The following BCAS3 variants were observed in gnomAD, a reference collection of about 807,000 sequenced individuals.
BCAS3 encodes the protein BCAS4/BCAS3 fusion.
In BCAS3, 53 loss-of-function variants were observed where a neutral mutation model predicts 116.1. That is an observed-to-expected ratio of 0.46 (90% CI 0.37 to 0.57). The LOEUF (loss-of-function observed/expected upper bound fraction) is 0.57. Among genes scored for constraint, BCAS3 ranks in the 20% least tolerant of loss-of-function variants. The probability of loss-of-function intolerance (pLI) is 0.00; values close to 1 mark genes in which losing one functional copy is unlikely to be tolerated. For missense variants in BCAS3, 917 were observed against 1,165.4 expected, an observed-to-expected ratio of 0.79 and a Z score of 3.10; for synonymous variants, 391 against 408.2, an observed-to-expected ratio of 0.96 and a Z score of 0.51.
At chr17:60,777,240 T>G (rs967904595) in intron 6 of BCAS3, among the ~76,000 whole-genome samples, 3 of 152,242 alleles carry the variant, frequency 2.0e-5, no homozygotes, top group East Asian at 3.9e-4. Flanking sequence ...TCTACTACTA[T>G]ACTTAAAAAA....
At chr17:60,988,360 T>TTTTTTTTG (rs1555651709) in intron 14 of BCAS3, among the ~76,000 whole-genome samples, 37 of 134,860 alleles carry the variant, frequency 2.7e-4, no homozygotes, top group African/African-American at 1.1e-3. Flanking sequence ...TTTTTTTTTT[T>TTTTTTTTG]ATGTATGTGT....
Position 61,083,823 on chromosome 17 carries a change from T to G in BCAS3, c.2328-644T>G, listed in dbSNP as rs1032591080. Among the ~76,000 whole-genome samples the G allele has an allele frequency of 4.6e-5, 7 of 152,172 alleles. No homozygotes were observed. Among genetic ancestry groups the G allele is most frequent in the Non-Finnish European group, 7.3e-5 (5 of 68,030 alleles). ...GTTAGCCAGGATGGATGTTTATTAT[T>G]CTTAAGCAACTTTAAATTGTGTGTA... is the stretch of plus-strand genomic sequence containing the variant. On this transcript the variant is annotated intron_variant, in intron 21 of 23. Coordinates refer to ENST00000407086, the MANE Select transcript of BCAS3 (RefSeq NM_017679.5). The surrounding 1 kb of genome is among the most constrained non-coding windows in gnomAD (Gnocchi z 4.9).
chr17:60,935,605 C>G (rs1211891316), intron 13 of BCAS3, among the ~76,000 whole-genome samples: 1 of 152,108 alleles, frequency 6.6e-6, no homozygotes, highest in African/African-American at 2.4e-5. Flanking sequence ...TCCAGAGACA[C>G]TTGGTCATTT....
chr17:61,129,526 C>T (rs1400709898), intron 22 of BCAS3, among the ~76,000 whole-genome samples: 2 of 152,206 alleles, frequency 1.3e-5, no homozygotes, highest in African/African-American at 2.4e-5. Context: ...GTCTCCCAGT[C>T]CTGCTGGTGG....
At chr17:61,015,290 TTTTG>T (rs1315067946) in intron 15 of BCAS3, among the ~76,000 whole-genome samples, 1 of 152,164 alleles carries the variant, frequency 6.6e-6, no homozygotes, top group Non-Finnish European at 1.5e-5. Flanking sequence ...AATACTTCTT[TTTTG>T]TTTGTTTGTT....
At chr17:60,980,242 A>T (rs1193981891) in intron 14 of BCAS3, among the ~76,000 whole-genome samples, 1 of 152,168 alleles carries the variant, frequency 6.6e-6, no homozygotes, top group Non-Finnish European at 1.5e-5. Context: ...TACACCATTT[A>T]TATTTCCCCT....
chr17:61,284,722 G>C (rs4968550), intron 22 of BCAS3, among the ~76,000 whole-genome samples: 104,213 of 150,304 alleles, frequency 0.69, 36,661 homozygotes, highest in South Asian at 0.84. Flanking sequence ...TTCAGCCTAT[G>C]TGGGCATTTA....
Position 60,747,221 on chromosome 17 carries a change from C to G in BCAS3, c.345C>G (p.Leu115=). 6.2e-7 allele frequency: 1 copy of G among 1,613,218 alleles called. No individual in the cohort carries two copies. Among genetic ancestry groups the G allele is most frequent in the Non-Finnish European group, 8.5e-7 (1 of 1,179,262 alleles). The change falls in exon 6 of 24, where the codon CTC becomes CTG. Residue 115 remains leucine (L), a synonymous_variant. Coordinates refer to ENST00000407086, the MANE Select transcript of BCAS3 (RefSeq NM_017679.5). ...SIPISGEAQE[L]FSVRHGPIRA... The stretch of plus-strand genomic sequence containing the variant: ...AGATCAGTGGTGAAGCACAAGAGCT[C>G]TTCTCTGTTCGACATGGCCCAATTC...
intron 7 of BCAS3, chr17:60,811,102 A>C: frequency 1.6e-6 from 1 of 632,268 alleles, no homozygotes; most frequent in Admixed American, 2.1e-5. Flanking sequence ...CCTGGACTGC[A>C]TGAGAAATCT....
At chr17:61,359,108 G>A (rs1406034428) in intron 22 of BCAS3, among the ~76,000 whole-genome samples, 1 of 152,076 alleles carries the variant, frequency 6.6e-6, no homozygotes, top group Non-Finnish European at 1.5e-5. Context: ...TAACCAGTCA[G>A]CCTTACCGGT....
At chr17:61,310,533 G>A (rs561403638) in intron 22 of BCAS3, among the ~76,000 whole-genome samples, 10 of 146,914 alleles carry the variant, frequency 6.8e-5, no homozygotes, top group South Asian at 2.1e-4. Context: ...TAGCCTGGGC[G>A]ACAGAGTGAG....
At chr17:60,878,470 A>G (rs2055826737) in intron 9 of BCAS3, among the ~76,000 whole-genome samples, 1 of 152,128 alleles carries the variant, frequency 6.6e-6, no homozygotes, top group African/African-American at 2.4e-5. Context: ...TATGTGTTCA[A>G]TATGTGTACA....
chr17:60,786,420 G>A (rs987178405), intron 6 of BCAS3, among the ~76,000 whole-genome samples: 2 of 151,994 alleles, frequency 1.3e-5, no homozygotes, highest in Non-Finnish European at 2.9e-5. Context: ...TACTCAGGAG[G>A]CTAAGGTAGG....
Position 61,379,525 on chromosome 17 carries a change from C to T in BCAS3, c.2593+11031C>T, listed in dbSNP as rs2059497895. The T allele has an allele frequency of 6.6e-6, 1 of 152,154 alleles. No homozygotes were observed. 9.4% of individuals were successfully genotyped at this position (152,154 alleles called of 1,614,324 possible). On this transcript the variant is annotated intron_variant, in intron 23 of 23. Coordinates refer to ENST00000407086, the MANE Select transcript of BCAS3 (RefSeq NM_017679.5). This position sits in a 1 kb window ranked among gnomAD's most constrained non-coding sequence, Gnocchi z 5.5. ...TGAACTTAACGGAGAAGTGAAGTTCCCTAGTAGAAGAAGGCATTTTGGAGC... is the reference window on the plus strand; with the variant it reads ...TGAACTTAACGGAGAAGTGAAGTTCTCTAGTAGAAGAAGGCATTTTGGAGC...
chr17:60,986,429 A>C (rs2063145752), intron 14 of BCAS3, among the ~76,000 whole-genome samples: 1 of 152,148 alleles, frequency 6.6e-6, no homozygotes, highest in Non-Finnish European at 1.5e-5. Context: ...TGTTCTCCAT[A>C]GTGGTTGTAT....
In BCAS3 at chr17:61,391,811, G is replaced by T; in HGVS notation, c.2594-166G>T. 1 of 710,606 alleles carries T rather than the reference G, an allele frequency of 1.4e-6. No individual in the cohort carries two copies. The highest frequency in any genetic ancestry group is 1.8e-5 in the South Asian group (1 of 55,696). 44.0% of individuals were successfully genotyped at this position (710,606 alleles called of 1,614,324 possible). A position where few individuals can be genotyped will look rare whatever the true frequency, so the allele number is the denominator to read the frequency against. On this transcript the variant is annotated intron_variant, in intron 23 of 23. Transcript: ENST00000407086. This position sits in a 1 kb window ranked among gnomAD's most constrained non-coding sequence, Gnocchi z 7.7. ...CCCTCCCCTGGCTGAGCCTTCCTGT[G>T]ACCTGAGCTGCCCCCTGCCCATCCA... is the stretch of plus-strand genomic sequence containing the variant.
chr17:61,102,915 G>A (rs902186718), intron 22 of BCAS3, among the ~76,000 whole-genome samples: 14 of 152,040 alleles, frequency 9.2e-5, no homozygotes, highest in Admixed American at 2.0e-4. Flanking sequence ...TGCTCTTCAC[G>A]TGTATCATAA....
At chr17:61,335,062 CTT>C (rs1425645127) in intron 22 of BCAS3, among the ~76,000 whole-genome samples, 5 of 152,372 alleles carry the variant, frequency 3.3e-5, no homozygotes, top group African/African-American at 1.2e-4. Flanking sequence ...GACCGGAGTT[CTT>C]CCTCAGGCAC....
rs934874426 is a variant in BCAS3 at position 60,990,318 on chromosome 17, T to G, written c.1486+83T>G. On this transcript the variant is annotated intron_variant, in intron 15 of 23. Transcript: ENST00000407086. The surrounding 1 kb of genome is among the most constrained non-coding windows in gnomAD (Gnocchi z 5.1). ...TACAGATCTGGGATAAAACTAAACTTGTTATAGTCTGTTCATGTAAAAAGA... is the reference window on the plus strand; with the variant it reads ...TACAGATCTGGGATAAAACTAAACTGGTTATAGTCTGTTCATGTAAAAAGA... 2 of 1,389,656 alleles carry G rather than the reference T, an allele frequency of 1.4e-6. No individual in the cohort carries two copies. The highest frequency in any genetic ancestry group is 2.0e-6 in the Non-Finnish European group (2 of 1,012,648). 86.1% of individuals were successfully genotyped at this position (1,389,656 alleles called of 1,614,324 possible).
Sources: gnomAD v4.1 joint callset for allele counts (sites outside exome capture counted in the v4.1 genomes callset) on GRCh38, gnomAD v4.1.1 for gene constraint, Gnocchi (gnomAD v3.1) non-coding constraint, MANE v1.5 for transcripts, NCBI Gene and HGNC (gene_info 2026-07-23, HGNC 2026-07-21) for gene names.